Variants in ABT1 observed in about 807,000 individuals in gnomAD.
ABT1 encodes the protein activator of basal transcription 1, also known as TATA-binding protein-binding protein.
A neutral mutation model predicts 14.0 loss-of-function variants in ABT1; 13 were observed. That is an observed-to-expected ratio of 0.93 (90% confidence interval 0.61 to 1.48). The LOEUF (loss-of-function observed/expected upper bound fraction) is 1.48. Ranked by LOEUF, ABT1 falls within the 40% of genes most tolerant of loss-of-function variation. The pLI, the probability that ABT1 is intolerant of heterozygous loss-of-function variation, is 0.00. For missense variants in ABT1, 430 were observed against 380.0 expected (o/e 1.13, Z -1.09); for synonymous variants, 165 against 144.6 (o/e 1.14, Z -1.01).
rs757553823 is a variant in ABT1 at position 26,598,701 on chromosome 6, T to A, written c.*56T>A. ...CCTGCTCTGCTTCCTGTCTACCTCA[T>A]ACTAGAATGATCGTGACTACCCGGG... On this transcript the variant is annotated 3_prime_UTR_variant, in exon 3 of 3. Coordinates refer to ENST00000274849, the MANE Select transcript of ABT1 (RefSeq NM_013375.4). 12 of 1,497,040 alleles carry A rather than the reference T, an allele frequency of 8.0e-6. No individual in the cohort carries two copies. Among genetic ancestry groups the A allele is most frequent in the Non-Finnish European group, 1.1e-5 (12 of 1,126,696 alleles). 92.7% of individuals were successfully genotyped at this position (1,497,040 alleles called of 1,614,324 possible).
chr6:26,598,177 C>A, intron 2 of ABT1, 67 bp downstream of exon 2: 1 of 1,575,428 alleles, frequency 6.3e-7, no homozygotes, highest in Non-Finnish European at 8.7e-7. Flanking sequence ...CCCAAGTATC[C>A]CCATGGCCTC....
rs1414458414 is a variant in ABT1 at position 26,600,542 on chromosome 6, AG to A, written c.*1898del. 1 of 152,254 alleles carries A rather than the reference AG, an allele frequency of 6.6e-6. No homozygotes were observed. The highest frequency in any genetic ancestry group is 1.5e-5 in the Non-Finnish European group (1 of 68,038). The allele number at this position is 152,254 out of a possible 1,614,324, so 9.4% of individuals were successfully genotyped here. Reference sequence around the variant, plus strand: ...TAAGTCACAGGTGGAGTGAGGAATGAGAATAAATGGGTGGAAGAAAATATCC... The same window carrying A: ...TAAGTCACAGGTGGAGTGAGGAATGAAATAAATGGGTGGAAGAAAATATCC... On this transcript the variant is annotated 3_prime_UTR_variant, in exon 3 of 3. Coordinates refer to ENST00000274849, the MANE Select transcript of ABT1 (RefSeq NM_013375.4).
Position 26,597,014 on chromosome 6 carries a change from CG to C in ABT1, c.34del (p.Glu12SerfsTer12), listed in dbSNP as rs1271894061. On this transcript the variant is annotated frameshift_variant, in exon 1 of 3. Coordinates refer to ENST00000274849, the MANE Select transcript of ABT1 (RefSeq NM_013375.4). LOFTEE classifies it high-confidence loss of function. ...GCAGAGGAATCGGAGAAGGCCGCAACGGAGCAAGAGCCGCTGGAAGGGACAG... is the reference window on the plus strand; with the variant it reads ...GCAGAGGAATCGGAGAAGGCCGCAACGAGCAAGAGCCGCTGGAAGGGACAG... MEAEESEKAA[T>X]EQEPLEGTEQ... is the part of the protein sequence containing the mutation. 1.9e-6 allele frequency: 3 copies of C among 1,612,822 alleles called. No individual in the cohort carries two copies. The African/African-American group carries it at 4.0e-5, about 22-fold the overall frequency.
At chr6:26,597,790 T>A in intron 1 of ABT1, 124 bp from the exon 2 acceptor site, 1 of 968,548 alleles carries the variant, frequency 1.0e-6, no homozygotes, top group Non-Finnish European at 1.5e-6. Context: ...CCCTTCCTCC[T>A]GGGCAAAAAC....
chr6:26,598,106 T>C lies in ABT1; in HGVS notation c.434T>C (p.Leu145Pro). The C allele has an allele frequency of 6.2e-7, 1 of 1,607,358 alleles. No homozygotes were observed. The highest frequency in any genetic ancestry group is 1.7e-5 in the Admixed American group (1 of 59,626). ...RSPFRYDLWN[L>P]KYLHRFTWSH... ...CCCTTCCGTTATGATCTTTGGAACC[T>C]CAAGGTGAGAAGATAGATCTTTCTG... The change falls in exon 2 of 3, where the codon CTC (leucine) becomes CCC (proline). Residue 145 changes from leucine to proline, a missense_variant. Transcript: ENST00000274849.
chr6:26,600,420 G>A lies in ABT1; in HGVS notation c.*1775G>A, dbSNP rs187790695. On this transcript the variant is annotated 3_prime_UTR_variant, in exon 3 of 3. Coordinates refer to ENST00000274849, the MANE Select transcript of ABT1 (RefSeq NM_013375.4). ...ATAAATTGCATTCCCACGGTGGACA[G>A]CGTTAGATAACAGTATGTTCAAGGG... The A allele has an allele frequency of 6.6e-6, 1 of 152,336 alleles. No individual in the cohort carries two copies. The highest frequency in any genetic ancestry group is 1.9e-4 in the East Asian group (1 of 5,192). The allele number at this position is 152,336 out of a possible 1,614,324, so 9.4% of individuals were successfully genotyped here.
Position 26,596,988 on chromosome 6 carries a change from G to A in ABT1, c.6G>A (p.Glu2=), listed in dbSNP as rs781822353. ...TGCCGCTCGTGTCAGTCAACATGGAGGCAGAGGAATCGGAGAAGGCCGCAA... is the reference window on the plus strand; with the variant it reads ...TGCCGCTCGTGTCAGTCAACATGGAAGCAGAGGAATCGGAGAAGGCCGCAA... M[E]AEESEKAATE... is the part of the protein sequence containing the mutation. The change falls in exon 1 of 3, where the codon GAG becomes GAA. Residue 2 remains glutamate (E), a synonymous_variant. Transcript: ENST00000274849. 8 of 1,610,556 alleles carry A rather than the reference G, an allele frequency of 5.0e-6. No homozygotes were observed. The highest frequency in any genetic ancestry group is 3.4e-5 in the Admixed American group (2 of 59,394).
rs2113627152 is a variant in ABT1, at chr6:26,599,543, A to G, written c.*898A>G. ...TTCAGTGGTGAGTCAGTCCTCACCA[A>G]GTTTTCCAGATCATTCCTACAAAGT... is the stretch of plus-strand genomic sequence containing the variant. On this transcript the variant is annotated 3_prime_UTR_variant, in exon 3 of 3. Transcript: ENST00000274849. 6.6e-6 allele frequency: 1 copy of G among 152,326 alleles called. No individual in the cohort carries two copies. The highest frequency in any genetic ancestry group is 2.1e-4 in the South Asian group (1 of 4,834). 9.4% of individuals were successfully genotyped at this position (152,326 alleles called of 1,614,324 possible).
chr6:26,598,221 C>T, intron 2 of ABT1, 44 bp from the exon 3 acceptor site: 1 of 1,582,504 alleles, frequency 6.3e-7, no homozygotes, highest in Non-Finnish European at 8.6e-7. Flanking sequence ...CATCTTTCTC[C>T]CTAATCTGCA....
In ABT1 at chr6:26,598,520, G is replaced by A. The variant is rs1554144816; in HGVS notation, c.694G>A (p.Glu232Lys). ...TAAAGCAGCACGGCCAGGGGGACGTGAACGGGCTCGCCTGGCAACTGCCCA... is the reference window on the plus strand; with the variant it reads ...TAAAGCAGCACGGCCAGGGGGACGTAAACGGGCTCGCCTGGCAACTGCCCA... ...ARKAARPGGRERARLATAQDK... is the reference protein window; with the variant it reads ...ARKAARPGGRKRARLATAQDK... Residue 232 changes from glutamate (E) to lysine (K), a missense_variant, in exon 3 of 3, where the codon GAA becomes AAA. Coordinates refer to ENST00000274849, the MANE Select transcript of ABT1 (RefSeq NM_013375.4). 6.2e-7 allele frequency: 1 copy of A among 1,613,734 alleles called. No homozygotes were observed. The highest frequency in any genetic ancestry group is 2.2e-5 in the East Asian group (1 of 44,886).
Position 26,598,941 on chromosome 6 carries a change from T to G in ABT1, c.*296T>G. On this transcript the variant is annotated 3_prime_UTR_variant, in exon 3 of 3. Transcript: ENST00000274849. The stretch of plus-strand genomic sequence containing the variant: ...CTGTAGGGTCCCCTGAAAATCCCAC[T>G]TCCTGCCCCCAGAAAGGGCCTTTAT... 1 of 273,800 alleles carries G rather than the reference T, an allele frequency of 3.7e-6. No individual in the cohort carries two copies. The highest frequency in any genetic ancestry group is 4.8e-5 in the Admixed American group (1 of 20,744). The allele number at this position is 273,800 out of a possible 1,614,324, so 17.0% of individuals were successfully genotyped here.
Position 26,598,398 on chromosome 6 carries a change from G to T in ABT1, c.572G>T (p.Arg191Leu). The T allele has an allele frequency of 6.2e-7, 1 of 1,614,258 alleles. No individual in the cohort carries two copies. The highest frequency in any genetic ancestry group is 8.5e-7 in the Non-Finnish European group (1 of 1,180,048). ...ETDFYLQSVE[R>L]GQRFLAADGD... is the part of the protein sequence containing the mutation. ...GACTTCTATCTTCAAAGTGTGGAACGGGGACAACGCTTTCTTGCGGCCGAT... is the reference window on the plus strand; with the variant it reads ...GACTTCTATCTTCAAAGTGTGGAACTGGGACAACGCTTTCTTGCGGCCGAT... The change falls in exon 3 of 3, where the codon CGG becomes CTG. Residue 191 changes from arginine (R) to leucine (L), a missense_variant. Arg to Leu is a moderately radical substitution (Grantham distance 102). Transcript: ENST00000274849.
In ABT1 at chr6:26,598,399, G is replaced by A. The variant is rs1561910339; in HGVS notation, c.573G>A (p.Arg191=). The change falls in exon 3 of 3, where the codon CGG becomes CGA. Residue 191 remains arginine (R), a synonymous_variant. Coordinates refer to ENST00000274849, the MANE Select transcript of ABT1 (RefSeq NM_013375.4). ...ETDFYLQSVE[R]GQRFLAADGD... Reference sequence around the variant, plus strand: ...ACTTCTATCTTCAAAGTGTGGAACGGGGACAACGCTTTCTTGCGGCCGATG... The same window carrying A: ...ACTTCTATCTTCAAAGTGTGGAACGAGGACAACGCTTTCTTGCGGCCGATG... 6.2e-7 allele frequency: 1 copy of A among 1,614,256 alleles called. No homozygotes were observed.
At chr6:26,597,341 G>T (rs1554144605) in intron 1 of ABT1, 118 bp downstream of exon 1, 2 of 1,510,850 alleles carry the variant, frequency 1.3e-6, no homozygotes. Context: ...TGGATTTTGG[G>T]GGTGGGGAGT....
chr6:26,598,653 G>A lies in ABT1; in HGVS notation c.*8G>A, dbSNP rs782367374. 6.5e-7 allele frequency: 1 copy of A among 1,530,142 alleles called. No homozygotes were observed. Among genetic ancestry groups the A allele is most frequent in the Non-Finnish European group, 8.8e-7 (1 of 1,138,648 alleles). The allele number at this position is 1,530,142 out of a possible 1,614,324, so 94.8% of individuals were successfully genotyped here. A position where few individuals can be genotyped will look rare whatever the true frequency, so the allele number is the denominator to read the frequency against. On this transcript the variant is annotated 3_prime_UTR_variant, in exon 3 of 3. Transcript: ENST00000274849. Reference sequence around the variant, plus strand: ...CTTGTCAGGGACTCCTGAGGGCCTGGGTGGCCCCTTCCATTTCCTGGCCCT... The same window carrying A: ...CTTGTCAGGGACTCCTGAGGGCCTGAGTGGCCCCTTCCATTTCCTGGCCCT...
Position 26,598,273 on chromosome 6 carries a change from C to A in ABT1, c.447C>A (p.His149Gln). ...TTCTTTTCTGCCCACAGTACTTGCA[C>A]CGTTTCACCTGGTCCCACCTCAGCG... The part of the protein sequence containing the change: ...RYDLWNLKYL[H>Q]RFTWSHLSEH... The change falls in exon 3 of 3, where the codon CAC (histidine) becomes CAA (glutamine). Residue 149 changes from histidine to glutamine, a missense_variant. His to Gln is a conservative substitution (Grantham distance 24). Transcript: ENST00000274849. 1 of 1,612,540 alleles carries A rather than the reference C, an allele frequency of 6.2e-7. No homozygotes were observed. Among genetic ancestry groups the A allele is most frequent in the Non-Finnish European group, 8.5e-7 (1 of 1,178,646 alleles).
In ABT1 at chr6:26,600,479, T is replaced by C. The variant is rs1484778116; in HGVS notation, c.*1834T>C. ...TCAGGGTCCATCTCCAAAACAGTTC[T>C]GTACAAAGAGCTCACACCTGCGGCC... On this transcript the variant is annotated 3_prime_UTR_variant, in exon 3 of 3. Coordinates refer to ENST00000274849, the MANE Select transcript of ABT1 (RefSeq NM_013375.4). 3 of 152,208 alleles carry C rather than the reference T, an allele frequency of 2.0e-5. No individual in the cohort carries two copies. Among genetic ancestry groups the C allele is most frequent in the Non-Finnish European group, 4.4e-5 (3 of 68,042 alleles). 9.4% of individuals were successfully genotyped at this position (152,208 alleles called of 1,614,324 possible).
rs1764942386 is a variant in ABT1, at chr6:26,598,950, C to T, written c.*305C>T. 3.8e-6 allele frequency: 1 copy of T among 264,862 alleles called. No individual in the cohort carries two copies. The highest frequency in any genetic ancestry group is 4.9e-5 in the Admixed American group (1 of 20,526). 16.4% of individuals were successfully genotyped at this position (264,862 alleles called of 1,614,324 possible). On this transcript the variant is annotated 3_prime_UTR_variant, in exon 3 of 3. Transcript: ENST00000274849. Reference sequence around the variant, plus strand: ...CCCCTGAAAATCCCACTTCCTGCCCCCAGAAAGGGCCTTTATTTCCAACTA... The same window carrying T: ...CCCCTGAAAATCCCACTTCCTGCCCTCAGAAAGGGCCTTTATTTCCAACTA...
At chr6:26,597,370 C>A in intron 1 of ABT1, 147 bp downstream of exon 1, 1 of 812,120 alleles carries the variant, frequency 1.2e-6, no homozygotes, top group Non-Finnish European at 1.7e-6. Flanking sequence ...TGGCTCCTGG[C>A]TGGTGAATCA....
Sources: gnomAD v4.1 joint callset for allele counts on GRCh38, gnomAD v4.1.1 for gene constraint, MANE v1.5 for transcripts, NCBI Gene and HGNC (gene_info 2026-07-23, HGNC 2026-07-21) for gene names.